Variants in SRGAP3 observed in about 807,000 individuals in gnomAD.
The protein encoded by SRGAP3 is SLIT-ROBO Rho GTPase activating protein 3, also known as SLIT-ROBO Rho GTPase-activating protein 3.
SRGAP3 carries 39 observed loss-of-function variants against 121.1 expected under a neutral mutation model. That is an observed-to-expected ratio of 0.32 (90% CI 0.25 to 0.42). The LOEUF (loss-of-function observed/expected upper bound fraction) is 0.42. SRGAP3 is among the 10% of genes least tolerant of loss of function. The pLI, the probability that SRGAP3 is intolerant of heterozygous loss-of-function variation, is 1.00. For missense variants in SRGAP3, 1,213 were observed against 1,470.6 expected (o/e 0.82, Z 2.86); for synonymous variants, 601 against 570.0 (o/e 1.05, Z -0.77).
At chr3:9,288,785 A>G (rs1048287613) in intron 3 of SRGAP3, among the ~76,000 whole-genome samples, 1 of 152,010 alleles carries the variant, frequency 6.6e-6, no homozygotes, top group Non-Finnish European at 1.5e-5. Flanking sequence ...TATTTTGCCC[A>G]GGCTGGTCTT....
At chr3:9,121,350 G>A (rs562316669) in intron 2 of SRGAP3, among the ~76,000 whole-genome samples, 6 of 152,340 alleles carry the variant, frequency 3.9e-5, no homozygotes, top group South Asian at 2.1e-4. Flanking sequence ...AAGGCTTCTC[G>A]GAACAGCCCA....
At chr3:9,332,117 TTATTA>T (rs1955619143) in intron 1 of SRGAP3, among the ~76,000 whole-genome samples, 1 of 59,584 alleles carries the variant, frequency 1.7e-5, no homozygotes, top group African/African-American at 4.4e-5. Flanking sequence ...TTCATTGAGG[TTATTA>T]TTATTATTAT....
intron 4 of SRGAP3, among the ~76,000 whole-genome samples, chr3:9,068,487 AC>A (rs1946531906): frequency 6.6e-6 from 1 of 152,052 alleles, no homozygotes; most frequent in Non-Finnish European, 1.5e-5. Context: ...CAACCCAAGT[AC>A]CCTGGGGCCA....
intron 1 of SRGAP3, among the ~76,000 whole-genome samples, chr3:9,352,320 C>T (rs996781640): frequency 2.1e-5 from 3 of 144,838 alleles, no homozygotes; most frequent in African/African-American, 7.9e-5. Context: ...GTCACCCAGG[C>T]TGAAGCACAG....
intron 3 of SRGAP3, among the ~76,000 whole-genome samples, chr3:9,313,504 C>A (rs1183181974): frequency 6.8e-6 from 1 of 147,012 alleles, no homozygotes; most frequent in Non-Finnish European, 1.5e-5. Flanking sequence ...GCCTGGCCAA[C>A]ATAGCGAAAC....
Position 8,985,592 on chromosome 3 carries a change from A to G in SRGAP3, c.3227T>C (p.Val1076Ala). Residue 1076 changes from valine to alanine, a missense_variant, in exon 22 of 22, where the codon GTG becomes GCG. Coordinates refer to ENST00000383836, the MANE Select transcript of SRGAP3 (RefSeq NM_014850.4). This position sits in a 1 kb window ranked among gnomAD's most constrained non-coding sequence, Gnocchi z 5.1. ...GGTGGGCGTCACGGCCGGGCTGCCC[A>G]CGCCCGAGCTGCTGCTGCTGCTGGA... ...HRSSSSSSSG[V>A]GSPAVTPTEK... is the part of the protein sequence containing the mutation. 1 of 1,597,286 alleles carries G rather than the reference A, an allele frequency of 6.3e-7. No homozygotes were observed. The highest frequency in any genetic ancestry group is 8.5e-7 in the Non-Finnish European group (1 of 1,179,062).
At chr3:9,005,883 C>CA (rs1261375191) in intron 18 of SRGAP3, among the ~76,000 whole-genome samples, 7 of 152,000 alleles carry the variant, frequency 4.6e-5, no homozygotes, top group African/African-American at 9.7e-5. Flanking sequence ...TGTGAATACA[C>CA]AAAAAAATCA....
intron 3 of SRGAP3, among the ~76,000 whole-genome samples, chr3:9,090,378 G>A (rs1171020106): frequency 1.3e-5 from 2 of 151,064 alleles, no homozygotes; most frequent in South Asian, 2.1e-4. Context: ...AGTAAAGGAT[G>A]GTCACCCATA....
chr3:9,357,223 C>T (rs747201586), intron 1 of SRGAP3, among the ~76,000 whole-genome samples: 6 of 152,202 alleles, frequency 3.9e-5, no homozygotes, highest in East Asian at 1.9e-4. Context: ...CCAGCCTGGG[C>T]AACAGAGTGA....
chr3:9,208,887 C>G (rs1427672222), intron 1 of SRGAP3, among the ~76,000 whole-genome samples: 1 of 152,246 alleles, frequency 6.6e-6, no homozygotes, highest in Admixed American at 6.5e-5. Flanking sequence ...TTAACTGGAG[C>G]AAATGGCCTA....
intron 1 of SRGAP3, among the ~76,000 whole-genome samples, chr3:9,164,574 G>A (rs1029519153): frequency 6.6e-6 from 1 of 152,074 alleles, no homozygotes; most frequent in African/African-American, 2.4e-5. Context: ...ATAGGTGTGA[G>A]CCACCGCACC....
At chr3:9,016,911 A>C (rs1459073982) in intron 14 of SRGAP3, among the ~76,000 whole-genome samples, 1 of 152,192 alleles carries the variant, frequency 6.6e-6, no homozygotes, top group Non-Finnish European at 1.5e-5. Context: ...CTGAATTGTG[A>C]TTACCCATTA....
chr3:9,254,891 AAAGAAAGG>A (rs1486824674), intron 3 of SRGAP3, among the ~76,000 whole-genome samples: 1 of 148,804 alleles, frequency 6.7e-6, no homozygotes, highest in Admixed American at 6.8e-5. Context: ...GAGAGAAAGA[AAAGAAAGG>A]AAGGAAGGAA....
chr3:9,118,995 A>G (rs1017964929), intron 2 of SRGAP3, among the ~76,000 whole-genome samples: 1 of 152,272 alleles, frequency 6.6e-6, no homozygotes, highest in Admixed American at 6.5e-5. Flanking sequence ...TCATTAATCA[A>G]TGACATTCAG....
At chr3:9,236,583 C>T (rs538908553) in intron 1 of SRGAP3, among the ~76,000 whole-genome samples, 17 of 152,012 alleles carry the variant, frequency 1.1e-4, no homozygotes, top group Admixed American at 9.8e-4. Context: ...GGCACTTCCC[C>T]CCCCCTCTTC....
At chr3:9,001,239 G>C (rs1020081421) in intron 18 of SRGAP3, among the ~76,000 whole-genome samples, 1 of 152,140 alleles carries the variant, frequency 6.6e-6, no homozygotes, top group Non-Finnish European at 1.5e-5. Flanking sequence ...AGGAGATGTT[G>C]AATGTTCACA....
At chr3:9,292,367 C>T (rs1196968543) in intron 3 of SRGAP3, among the ~76,000 whole-genome samples, 1 of 152,136 alleles carries the variant, frequency 6.6e-6, no homozygotes, top group Non-Finnish European at 1.5e-5. Flanking sequence ...TCCTATACAT[C>T]GTTCAAAACC....
intron 2 of SRGAP3, among the ~76,000 whole-genome samples, chr3:9,330,189 CAA>C (rs1241587099): frequency 6.6e-6 from 1 of 152,034 alleles, no homozygotes; most frequent in Admixed American, 6.6e-5. Flanking sequence ...AAAAATGAAA[CAA>C]AGAGGCAGAA....
At chr3:9,283,882 A>G (rs1954723081) in intron 3 of SRGAP3, among the ~76,000 whole-genome samples, 1 of 152,180 alleles carries the variant, frequency 6.6e-6, no homozygotes, top group Admixed American at 6.5e-5. Context: ...TGGACACAAG[A>G]CTGGCTTTTT....
Sources: allele counts gnomAD v4.1 joint callset (sites outside exome capture counted in the v4.1 genomes callset), GRCh38; gene constraint gnomAD v4.1.1; non-coding constraint Gnocchi (gnomAD v3.1); transcripts MANE v1.5; gene names NCBI Gene and HGNC (gene_info 2026-07-23, HGNC 2026-07-21).